The following GPC6 variants were observed in gnomAD, a reference collection of about 807,000 sequenced individuals.
GPC6 encodes glypican 6, also known as glypican-6.
GPC6 carries 14 observed loss-of-function variants against 55.2 expected under a neutral mutation model. The ratio of observed to expected loss-of-function variants is 0.25; its 90% CI spans 0.17 to 0.40. The LOEUF (loss-of-function observed/expected upper bound fraction) is 0.40, where lower values mean the gene tolerates loss of function less well. GPC6 is among the 10% of genes least tolerant of loss of function. The pLI is 1.00. For synonymous variants in GPC6, 278 were observed against 259.6 expected, an observed-to-expected ratio of 1.07 and a Z score of -0.68; for missense variants, 641 against 708.5, an observed-to-expected ratio of 0.90 and a Z score of 1.08.
At position 93,720,935 on chromosome 13, in the gene GPC6, T is replaced by C. The variant is rs143661806; in HGVS notation, c.320-109219T>C. 3.3e-5 allele frequency among the ~76,000 whole-genome samples: 5 copies of C among 152,146 alleles called. No homozygotes were observed. The East Asian group carries it at 9.7e-4, about 29-fold the overall frequency. ...ATTGCACTGTGGTCTGAGAGACTGT[T>C]ATGATTTCCATTCTTCTGCATTTGC... On this transcript the variant is annotated intron_variant, in intron 2 of 8. Transcript: ENST00000377047.
intron 2 of GPC6, among the ~76,000 whole-genome samples, chr13:93,682,697 C>T (rs1321367113): frequency 2.0e-5 from 3 of 151,884 alleles, no homozygotes; most frequent in African/African-American, 7.3e-5. Flanking sequence ...AAAATATATA[C>T]ATCTTTAGAA....
At chr13:93,515,552 C>T (rs1250838772) in intron 1 of GPC6, among the ~76,000 whole-genome samples, 1 of 152,094 alleles carries the variant, frequency 6.6e-6, no homozygotes, top group Admixed American at 6.6e-5. Flanking sequence ...TTTTGTGAGC[C>T]TTATGTTTCT....
At chr13:93,866,638 T>C (rs1261220319) in intron 3 of GPC6, among the ~76,000 whole-genome samples, 2 of 151,812 alleles carry the variant, frequency 1.3e-5, no homozygotes, top group Non-Finnish European at 2.9e-5. Context: ...AAATAGTGCA[T>C]GTTCTCACTT....
At chr13:93,344,813 T>G (rs993037880) in intron 1 of GPC6, among the ~76,000 whole-genome samples, 4 of 152,204 alleles carry the variant, frequency 2.6e-5, no homozygotes, top group Non-Finnish European at 5.9e-5. Context: ...TCATCTTTAC[T>G]TTCTCAGTGC....
intron 1 of GPC6, among the ~76,000 whole-genome samples, chr13:93,242,263 A>C (rs996214257): frequency 6.6e-6 from 1 of 152,148 alleles, no homozygotes; most frequent in South Asian, 2.1e-4. Context: ...TGAGGTCTTC[A>C]TAGGTGAAAG....
chr13:94,191,194 T>C (rs1051498298), intron 4 of GPC6, among the ~76,000 whole-genome samples: 8 of 152,222 alleles, frequency 5.3e-5, no homozygotes, highest in African/African-American at 1.9e-4. Flanking sequence ...TATACATATG[T>C]ATGATATTGC....
intron 1 of GPC6, among the ~76,000 whole-genome samples, chr13:93,483,477 A>T (rs954930155): frequency 6.6e-6 from 1 of 152,120 alleles, no homozygotes; most frequent in South Asian, 2.1e-4. Flanking sequence ...GTTTTTACCA[A>T]TATCTGATTA....
chr13:94,252,216 G>T (rs551147241), intron 4 of GPC6, among the ~76,000 whole-genome samples: 30 of 152,232 alleles, frequency 2.0e-4, no homozygotes, highest in Middle Eastern at 6.8e-3. Context: ...ATAAAACCTT[G>T]ATTTAGAAGC....
At chr13:93,648,749 A>G (rs1440840878) in intron 2 of GPC6, among the ~76,000 whole-genome samples, 1 of 152,198 alleles carries the variant, frequency 6.6e-6, no homozygotes, top group Admixed American at 6.5e-5. Flanking sequence ...TGTAGCATAC[A>G]CTGAGATAAT....
chr13:93,800,926 T>C (rs1202747323), intron 2 of GPC6, among the ~76,000 whole-genome samples: 1 of 152,158 alleles, frequency 6.6e-6, no homozygotes, highest in Non-Finnish European at 1.5e-5. Flanking sequence ...TTAAACTTCT[T>C]GAGTTATTTG....
At chr13:93,743,920 A>G (rs188516629) in intron 2 of GPC6, among the ~76,000 whole-genome samples, 196 of 152,322 alleles carry the variant, frequency 1.3e-3, no homozygotes, top group East Asian at 9.5e-3. Flanking sequence ...TTCTGCTGAT[A>G]CTGAATGGCA....
intron 2 of GPC6, among the ~76,000 whole-genome samples, chr13:93,703,700 G>C (rs1882751624): frequency 6.6e-6 from 1 of 151,728 alleles, no homozygotes; most frequent in Non-Finnish European, 1.5e-5. Context: ...AGTTAAAAAT[G>C]GTAAATGCTA....
chr13:94,272,463 CTTTTT>C (rs555664508), intron 4 of GPC6, among the ~76,000 whole-genome samples: 14 of 85,738 alleles, frequency 1.6e-4, no homozygotes, highest in East Asian at 3.1e-4. Context: ...CTTTTCTTTT[CTTTTT>C]TTTTTTTTTT....
At chr13:93,383,510 C>T (rs1039981421) in intron 1 of GPC6, among the ~76,000 whole-genome samples, 1 of 152,172 alleles carries the variant, frequency 6.6e-6, no homozygotes, top group Non-Finnish European at 1.5e-5. Context: ...ACCCATTGTG[C>T]CCAGCTGAAA....
At chr13:94,040,855 T>C (rs1022576435) in intron 4 of GPC6, among the ~76,000 whole-genome samples, 2 of 151,954 alleles carry the variant, frequency 1.3e-5, no homozygotes, top group Non-Finnish European at 2.9e-5. Flanking sequence ...TTGTGTTGAA[T>C]GGTTACTACG....
chr13:93,250,054 A>C (rs1876732255), intron 1 of GPC6, among the ~76,000 whole-genome samples: 2 of 152,144 alleles, frequency 1.3e-5, no homozygotes, highest in African/African-American at 4.8e-5. Context: ...GCTGTGGTGC[A>C]GTGGCTTTGA....
intron 2 of GPC6, among the ~76,000 whole-genome samples, chr13:93,713,392 C>G (rs1471118241): frequency 6.6e-6 from 1 of 151,410 alleles, no homozygotes; most frequent in African/African-American, 2.4e-5. Flanking sequence ...ATAAAATAGA[C>G]AAATTACTGC....
At chr13:93,933,419 A>T (rs1164298484) in intron 3 of GPC6, among the ~76,000 whole-genome samples, 1 of 152,040 alleles carries the variant, frequency 6.6e-6, no homozygotes, top group African/African-American at 2.4e-5. Flanking sequence ...AGGATTACTC[A>T]CCCCAGAATC....
chr13:93,285,628 G>GTGTGTGTGTGTGTGTGTA (rs1555287667), intron 1 of GPC6, among the ~76,000 whole-genome samples: 37 of 139,088 alleles, frequency 2.7e-4, no homozygotes, highest in African/African-American at 8.2e-4. Flanking sequence ...GTGTGTGTGT[G>GTGTGTGTGTGTGTGTGTA]TGTGTGTGTG....
Sources: gnomAD v4.1 joint callset for allele counts (sites outside exome capture counted in the v4.1 genomes callset) on GRCh38, gnomAD v4.1.1 for gene constraint, MANE v1.5 for transcripts, NCBI Gene and HGNC (gene_info 2026-07-23, HGNC 2026-07-21) for gene names.